Variants in SUMF1 observed in about 807,000 individuals in gnomAD.
The protein encoded by SUMF1 is sulfatase modifying factor 1, also known as formylglycine-generating enzyme.
In SUMF1, 48 loss-of-function variants were observed where a neutral mutation model predicts 47.6. That is an observed-to-expected ratio of 1.01 (90% CI 0.80 to 1.28). The LOEUF (loss-of-function observed/expected upper bound fraction) is 1.28. Among genes scored for constraint, SUMF1 ranks in the 50% most tolerant of loss-of-function variants. The pLI, the probability that SUMF1 is intolerant of heterozygous loss-of-function variation, is 0.00. For missense variants in SUMF1, 571 were observed against 485.4 expected (o/e 1.18, Z -1.66); for synonymous variants, 230 against 192.1 (o/e 1.20, Z -1.63).
chr3:4,252,825 AG>A (rs1202744636), intron 8 of SUMF1, among the ~76,000 whole-genome samples: 2 of 152,216 alleles, frequency 1.3e-5, no homozygotes, highest in African/African-American at 2.4e-5. Context: ...ATATTCAGGC[AG>A]TCAATAGATA....
At chr3:4,044,246 C>T (rs1441517480) in intron 9 of SUMF1, among the ~76,000 whole-genome samples, 2 of 152,152 alleles carry the variant, frequency 1.3e-5, no homozygotes, top group African/African-American at 2.4e-5. Context: ...TTCCTCCTTT[C>T]CTTGCTGTGA....
chr3:4,163,972 CA>C (rs1389548376), intron 8 of SUMF1, among the ~76,000 whole-genome samples: 1 of 152,100 alleles, frequency 6.6e-6, no homozygotes, highest in East Asian at 1.9e-4. Context: ...AGAAAGTCAG[CA>C]AAACTGTTAG....
chr3:4,037,061 C>G (rs1039737243), intron 9 of SUMF1, among the ~76,000 whole-genome samples: 4 of 151,962 alleles, frequency 2.6e-5, no homozygotes, highest in Non-Finnish European at 4.4e-5. Context: ...GGAGGAGAAA[C>G]AAATAAATTC....
At chr3:4,103,506 T>C (rs1693085815) in intron 8 of SUMF1, among the ~76,000 whole-genome samples, 1 of 152,072 alleles carries the variant, frequency 6.6e-6, no homozygotes, top group African/African-American at 2.4e-5. Context: ...TAAGCAAAAA[T>C]GAAAGAGGAT....
chr3:4,091,602 C>T (rs1692788294), intron 8 of SUMF1, among the ~76,000 whole-genome samples: 1 of 152,040 alleles, frequency 6.6e-6, no homozygotes, highest in Admixed American at 6.6e-5. Flanking sequence ...AAGACAACCT[C>T]GAATAGGATA....
At chr3:4,439,926 TCAAA>T (rs1702524560) in intron 3 of SUMF1, among the ~76,000 whole-genome samples, 1 of 152,002 alleles carries the variant, frequency 6.6e-6, no homozygotes, top group African/African-American at 2.4e-5. Flanking sequence ...AACTAAAAGT[TCAAA>T]CATTCAAAAT....
chr3:4,390,505 T>C (rs1338510382), intron 7 of SUMF1, among the ~76,000 whole-genome samples: 2 of 152,224 alleles, frequency 1.3e-5, no homozygotes, highest in Non-Finnish European at 2.9e-5. Flanking sequence ...AACAGGCTTT[T>C]GTTGAGACTT....
At chr3:4,421,308 A>C (rs111814306) in intron 3 of SUMF1, among the ~76,000 whole-genome samples, 1,754 of 152,290 alleles carry the variant, frequency 0.012, 35 homozygotes, top group African/African-American at 0.04. Flanking sequence ...TATTACAAGG[A>C]GGAAATATAA....
chr3:4,070,362 T>G (rs1372331177), intron 8 of SUMF1, among the ~76,000 whole-genome samples: 3 of 152,144 alleles, frequency 2.0e-5, no homozygotes, highest in Non-Finnish European at 4.4e-5. Context: ...TATTATACAG[T>G]GTTTGACTCT....
At chr3:4,111,322 A>T (rs1693301467) in intron 8 of SUMF1, among the ~76,000 whole-genome samples, 1 of 152,144 alleles carries the variant, frequency 6.6e-6, no homozygotes, top group Non-Finnish European at 1.5e-5. Flanking sequence ...TGCAATTCAA[A>T]CCCATGTTGT....
At chr3:4,229,329 G>A in intron 8 of SUMF1, 1 of 413,588 alleles carries the variant, frequency 2.4e-6, no homozygotes, top group South Asian at 1.7e-5. Context: ...CCTCTGGTGA[G>A]CCTTTGATAA....
At position 4,361,957 on chromosome 3, in the gene SUMF1, A is replaced by G; in HGVS notation, c.*187T>C. 1.7e-6 allele frequency: 1 copy of G among 604,304 alleles called. No individual in the cohort carries two copies. The highest frequency in any genetic ancestry group is 1.9e-5 in the South Asian group (1 of 52,126). 37.4% of individuals were successfully genotyped at this position (604,304 alleles called of 1,614,324 possible). ...ATGATCTCCAAAGATGCACCACACC[A>G]TAAAGCACATGCACTGACCCAGGTC... is the stretch of plus-strand genomic sequence containing the variant. On this transcript the variant is annotated 3_prime_UTR_variant, in exon 9 of 9. Coordinates refer to ENST00000272902, the MANE Select transcript of SUMF1 (RefSeq NM_182760.4).
chr3:4,409,863 A>G (rs1272214656), intron 7 of SUMF1, among the ~76,000 whole-genome samples: 1 of 152,114 alleles, frequency 6.6e-6, no homozygotes, highest in East Asian at 1.9e-4. Flanking sequence ...ATATCCAACA[A>G]CTTTATTCCC....
chr3:4,276,270 A>G (rs1697414596), intron 8 of SUMF1, among the ~76,000 whole-genome samples: 1 of 152,228 alleles, frequency 6.6e-6, no homozygotes, highest in Non-Finnish European at 1.5e-5. Flanking sequence ...TGAGGCTATA[A>G]GGCAGCACAT....
Position 4,451,919 on chromosome 3 carries a change from G to A in SUMF1, c.444+957C>T, listed in dbSNP as rs565128010. ...AGGATGGTCTCGATCGCCTGACCTC[G>A]TGATCCACCCACCTCAGCCTCCCAA... On this transcript the variant is annotated intron_variant, in intron 2 of 8. Coordinates refer to ENST00000272902, the MANE Select transcript of SUMF1 (RefSeq NM_182760.4). Among the ~76,000 whole-genome samples, 341 of 152,186 alleles carry A rather than the reference G, an allele frequency of 2.2e-3. 6 individuals are homozygous for A. The highest frequency in any genetic ancestry group is 8.0e-3 in the African/African-American group (332 of 41,512).
chr3:4,454,483 G>A (rs1005494513), intron 1 of SUMF1, among the ~76,000 whole-genome samples: 1 of 152,220 alleles, frequency 6.6e-6, no homozygotes, highest in Non-Finnish European at 1.5e-5. Flanking sequence ...ATTGCTGGTA[G>A]GAATGTAAAA....
At chr3:4,295,709 A>T (rs1477960565) in intron 8 of SUMF1, among the ~76,000 whole-genome samples, 1 of 152,210 alleles carries the variant, frequency 6.6e-6, no homozygotes, top group East Asian at 1.9e-4. Context: ...ATATAAATAC[A>T]TAATACTCTT....
chr3:4,180,302 C>A (rs1186017462), intron 8 of SUMF1, among the ~76,000 whole-genome samples: 1 of 152,124 alleles, frequency 6.6e-6, no homozygotes, highest in Non-Finnish European at 1.5e-5. Context: ...CCCAAATGTC[C>A]ATCAATGATA....
At chr3:4,118,304 G>T (rs187671267) in intron 8 of SUMF1, among the ~76,000 whole-genome samples, 1 of 151,886 alleles carries the variant, frequency 6.6e-6, no homozygotes, top group Non-Finnish European at 1.5e-5. Context: ...GAGTCATGAA[G>T]ATGTAAGTGT....
Sources: allele counts gnomAD v4.1 joint callset (sites outside exome capture counted in the v4.1 genomes callset), GRCh38; gene constraint gnomAD v4.1.1; transcripts MANE v1.5; gene names NCBI Gene and HGNC (gene_info 2026-07-23, HGNC 2026-07-21).